The following KIF13A variants were observed in gnomAD, a reference collection of about 807,000 sequenced individuals.
KIF13A encodes the protein kinesin family member 13A.
A neutral mutation model predicts 212.2 loss-of-function variants in KIF13A; 79 were observed. The observed-to-expected ratio is 0.37, with a 90% CI of 0.31 to 0.45. The LOEUF (loss-of-function observed/expected upper bound fraction) is 0.45, where lower values mean the gene tolerates loss of function less well. Ranked by LOEUF, KIF13A falls within the 20% of genes least tolerant of loss-of-function variation. The probability of loss-of-function intolerance (pLI) is 1.00; values close to 1 mark genes in which losing one functional copy is unlikely to be tolerated. For synonymous variants in KIF13A, 789 were observed against 808.6 expected, an observed-to-expected ratio of 0.98 and a Z score of 0.41; for missense variants, 1,901 against 2,209.0, an observed-to-expected ratio of 0.86 and a Z score of 2.79.
chr6:17,930,858 C>T (rs950808290), intron 2 of KIF13A, among the ~76,000 whole-genome samples: 3 of 152,182 alleles, frequency 2.0e-5, no homozygotes, highest in South Asian at 2.1e-4. Flanking sequence ...TTACAGAATA[C>T]GGTTTACACA....
Position 17,787,737 on chromosome 6 carries a change from A to G in KIF13A, c.3361+39T>C, listed in dbSNP as rs766629603. The G allele has an allele frequency of 9.2e-6, 11 of 1,197,554 alleles. No individual in the cohort carries two copies. Among genetic ancestry groups the G allele is most frequent in the South Asian group, 2.4e-5 (2 of 82,470 alleles). 74.2% of individuals were successfully genotyped at this position (1,197,554 alleles called of 1,614,324 possible). ...GACCTACTGCCATTGTGTAAAAGTG[A>G]AAAAGCTACTCCCCATAAAAGAGTT... On this transcript the variant is annotated intron_variant, in intron 27 of 38. Coordinates refer to ENST00000259711, the MANE Select transcript of KIF13A (RefSeq NM_022113.6). This position sits in a 1 kb window ranked among gnomAD's most constrained non-coding sequence, Gnocchi z 4.6.
intron 16 of KIF13A, 55 bp from the exon 17 acceptor site, chr6:17,817,288 C>T (rs41267720): frequency 0.23 from 353,070 of 1,511,104 alleles, 42,902 homozygotes; most frequent in Admixed American, 0.35. Context: ...AACAAGCATT[C>T]ATGCCAGGCA....
At chr6:17,976,010 G>GT in intron 2 of KIF13A, among the ~76,000 whole-genome samples, 1 of 152,256 alleles carries the variant, frequency 6.6e-6, no homozygotes, top group Admixed American at 6.5e-5. Flanking sequence ...ACAGGGTGCT[G>GT]ATTGGTATGT....
intron 2 of KIF13A, among the ~76,000 whole-genome samples, chr6:17,957,955 AAC>A (rs1778489315): frequency 6.6e-6 from 1 of 152,232 alleles, no homozygotes; most frequent in Non-Finnish European, 1.5e-5. Flanking sequence ...ACTTTAAAAG[AAC>A]AGCCTGAGGT....
chr6:17,977,114 C>CAAAAAAAAAAAA (rs398000718), intron 2 of KIF13A, among the ~76,000 whole-genome samples: 40 of 106,614 alleles, frequency 3.8e-4, no homozygotes, highest in Non-Finnish European at 5.2e-4. Context: ...AAAACAACAA[C>CAAAAAAAAAAAA]AAAAAAAAAA....
At chr6:17,800,171 C>T in intron 20 of KIF13A, 58 bp from the exon 21 acceptor site, 4 of 1,537,792 alleles carry the variant, frequency 2.6e-6, no homozygotes, top group African/African-American at 2.7e-5. Context: ...GCAACCTCGA[C>T]CCAAGACAGA....
rs1323448156 is a variant in KIF13A at position 17,776,660 on chromosome 6, G to GT, written c.4170+616dup. Among the ~76,000 whole-genome samples the GT allele has an allele frequency of 6.6e-6, 1 of 152,194 alleles. No homozygotes were observed. The highest frequency in any genetic ancestry group is 1.5e-5 in the Non-Finnish European group (1 of 68,034). ...AGAACAGGAAGGCAAATAAGCCTGT[G>GT]TTTTTCCTTGGAAAGACCTTACTTC... On this transcript the variant is annotated intron_variant, in intron 34 of 38. Coordinates refer to ENST00000259711, the MANE Select transcript of KIF13A (RefSeq NM_022113.6). This position sits in a 1 kb window ranked among gnomAD's most constrained non-coding sequence, Gnocchi z 4.6.
Position 17,898,321 on chromosome 6 carries a change from C to T in KIF13A, c.147-141G>A, listed in dbSNP as rs1772756636. The stretch of plus-strand genomic sequence containing the variant: ...ATAACATGATCTGAAAGATATTCTT[C>T]TTCATGAAGATCAGAAGCCAAATTC... On this transcript the variant is annotated intron_variant, in intron 2 of 38. Transcript: ENST00000259711. The surrounding 1 kb of genome is among the most constrained non-coding windows in gnomAD (Gnocchi z 5.2). The T allele has an allele frequency of 3.9e-6, 3 of 772,688 alleles. No individual in the cohort carries two copies. In the African/African-American group the frequency reaches 5.3e-5, roughly 14 times the overall value. 47.9% of individuals were successfully genotyped at this position (772,688 alleles called of 1,614,324 possible).
chr6:17,957,910 TA>T (rs1291035747), intron 2 of KIF13A, among the ~76,000 whole-genome samples: 1 of 152,160 alleles, frequency 6.6e-6, no homozygotes, highest in Non-Finnish European at 1.5e-5. Flanking sequence ...TCATAAAGCT[TA>T]ACATGACAAT....
chr6:17,958,242 G>C (rs1250245691), intron 2 of KIF13A, among the ~76,000 whole-genome samples: 1 of 152,204 alleles, frequency 6.6e-6, no homozygotes, highest in East Asian at 1.9e-4. Flanking sequence ...ACTATCGCTA[G>C]ATGATCATCA....
At chr6:17,806,443 C>CA (rs1272277185) in intron 18 of KIF13A, among the ~76,000 whole-genome samples, 2 of 152,200 alleles carry the variant, frequency 1.3e-5, no homozygotes, top group African/African-American at 4.8e-5. Flanking sequence ...ACTACTAGGT[C>CA]AAAAGACTAA....
chr6:17,771,122 T>A lies in KIF13A; in HGVS notation c.4573A>T (p.Lys1525Ter). ...ATGGTTCCGGAACTTACAATCTTCTTCTCACGTTTGCTATTGTGTTCTACT... is the reference window on the plus strand; with the variant it reads ...ATGGTTCCGGAACTTACAATCTTCTACTCACGTTTGCTATTGTGTTCTACT... ...MPVEHNSKRE[K>*]KIDSEEEENE... The change falls in exon 38 of 39, where the codon AAG becomes TAG. Residue 1525 changes from lysine (K) to a stop codon, truncating the protein, a stop_gained. Coordinates refer to ENST00000259711, the MANE Select transcript of KIF13A (RefSeq NM_022113.6). LOFTEE classifies it low-confidence loss of function (END_TRUNC). This position sits in a 1 kb window ranked among gnomAD's most constrained non-coding sequence, Gnocchi z 5.4. 2 of 1,608,766 alleles carry A rather than the reference T, an allele frequency of 1.2e-6. No individual in the cohort carries two copies. The highest frequency in any genetic ancestry group is 1.7e-6 in the Non-Finnish European group (2 of 1,175,930).
rs911950192 is a variant in KIF13A, at chr6:17,838,119, C to T, written c.831-536G>A. 1.1e-4 allele frequency among the ~76,000 whole-genome samples: 17 copies of T among 151,922 alleles called. No individual in the cohort carries two copies. Among genetic ancestry groups the T allele is most frequent in the African/African-American group, 3.9e-4 (16 of 41,406 alleles). On this transcript the variant is annotated intron_variant, in intron 9 of 38. Transcript: ENST00000259711. This position sits in a 1 kb window ranked among gnomAD's most constrained non-coding sequence, Gnocchi z 4.2. The stretch of plus-strand genomic sequence containing the variant: ...ATCATGAGGTCAGGGGTCAGGAGAT[C>T]AAGACCATCCTGGCCAACATGGTGA...
rs978589138 is a variant in KIF13A, at chr6:17,794,829, G to C, written c.2943-125C>G. On this transcript the variant is annotated intron_variant, in intron 23 of 38. Coordinates refer to ENST00000259711, the MANE Select transcript of KIF13A (RefSeq NM_022113.6). This position sits in a 1 kb window ranked among gnomAD's most constrained non-coding sequence, Gnocchi z 4.1. Reference sequence around the variant, plus strand: ...GCACTGTGCCATTTATCTTGTATAAGTTACTTCCTTATTTAACTCTCAAAA... The same window carrying C: ...GCACTGTGCCATTTATCTTGTATAACTTACTTCCTTATTTAACTCTCAAAA... 3 of 994,246 alleles carry C rather than the reference G, an allele frequency of 3.0e-6. No homozygotes were observed. The highest frequency in any genetic ancestry group is 4.3e-6 in the Non-Finnish European group (3 of 694,806). 61.6% of individuals were successfully genotyped at this position (994,246 alleles called of 1,614,324 possible).
chr6:17,928,386 C>G (rs1581758095), intron 2 of KIF13A, among the ~76,000 whole-genome samples: 3 of 152,200 alleles, frequency 2.0e-5, no homozygotes, highest in African/African-American at 7.2e-5. Context: ...AATCTAGACA[C>G]TCTCAGAGCC....
chr6:17,985,632 C>CCGGGGT (rs112580662), intron 2 of KIF13A, among the ~76,000 whole-genome samples: 3 of 38,196 alleles, frequency 7.9e-5, no homozygotes, highest in African/African-American at 3.7e-4. Flanking sequence ...ATGCAGTTTG[C>CCGGGGT]GGGGGGGTGG....
At chr6:17,770,182 G>A (rs1337634060) in intron 38 of KIF13A, among the ~76,000 whole-genome samples, 2 of 151,588 alleles carry the variant, frequency 1.3e-5, no homozygotes, top group Non-Finnish European at 2.9e-5. Flanking sequence ...ACATGGTGTC[G>A]CTGGAAAATG....
intron 2 of KIF13A, among the ~76,000 whole-genome samples, chr6:17,924,952 AT>A (rs1286485852): frequency 1.3e-5 from 2 of 152,232 alleles, no homozygotes; most frequent in African/African-American, 4.8e-5. Flanking sequence ...GATGGGCAAT[AT>A]CTAAAAAGAC....
intron 31 of KIF13A, among the ~76,000 whole-genome samples, chr6:17,780,349 A>T (rs80044997): frequency 0.027 from 4,176 of 152,290 alleles, 206 homozygotes; most frequent in African/African-American, 0.095. Context: ...CACCTCTGAG[A>T]TGGGATCCGT....
Sources: gnomAD v4.1 joint callset for allele counts (sites outside exome capture counted in the v4.1 genomes callset) on GRCh38, gnomAD v4.1.1 for gene constraint, Gnocchi (gnomAD v3.1) non-coding constraint, MANE v1.5 for transcripts, NCBI Gene and HGNC (gene_info 2026-07-23, HGNC 2026-07-21) for gene names.